Variants in SHANK2 observed in about 807,000 individuals in gnomAD.
SHANK2 encodes SH3 and multiple ankyrin repeat domains 2.
A neutral mutation model predicts 133.7 loss-of-function variants in SHANK2; 43 were observed. The observed-to-expected ratio is 0.32, with a 90% CI of 0.25 to 0.41. The LOEUF (loss-of-function observed/expected upper bound fraction) is 0.41, where lower values mean the gene tolerates loss of function less well. Among genes scored for constraint, SHANK2 ranks in the 10% least tolerant of loss-of-function variants. The pLI, the probability that SHANK2 is intolerant of heterozygous loss-of-function variation, is 1.00. For synonymous variants in SHANK2, 1,017 were observed against 952.8 expected, an observed-to-expected ratio of 1.07 and a Z score of -1.24; for missense variants, 1,994 against 2,235.8, an observed-to-expected ratio of 0.89 and a Z score of 2.18.
intron 14 of SHANK2, among the ~76,000 whole-genome samples, chr11:70,737,924 A>G (rs1287706157): frequency 6.6e-6 from 1 of 152,266 alleles, no homozygotes; most frequent in Non-Finnish European, 1.5e-5. Context: ...TGACAATGAC[A>G]AGTGTGAAGG....
chr11:70,806,653 G>A (rs972416956), intron 13 of SHANK2, among the ~76,000 whole-genome samples: 27 of 152,164 alleles, frequency 1.8e-4, no homozygotes, highest in African/African-American at 4.8e-4. Flanking sequence ...CCCCAAAGCC[G>A]ACCCATGCCA....
chr11:71,234,707 C>A (rs1275096933), intron 1 of SHANK2, among the ~76,000 whole-genome samples: 1 of 152,088 alleles, frequency 6.6e-6, no homozygotes, highest in Non-Finnish European at 1.5e-5. Context: ...CCCCACTGCC[C>A]GCATTCGAGC....
chr11:71,151,882 G>T (rs554184079), intron 2 of SHANK2, among the ~76,000 whole-genome samples: 1 of 152,270 alleles, frequency 6.6e-6, no homozygotes, highest in South Asian at 2.1e-4. Flanking sequence ...ACACACGCTG[G>T]GTGGGAGGCC....
chr11:70,912,707 A>T (rs1555079254), intron 10 of SHANK2, among the ~76,000 whole-genome samples: 1 of 152,190 alleles, frequency 6.6e-6, no homozygotes, highest in Non-Finnish European at 1.5e-5. Flanking sequence ...GAAACGTCAC[A>T]CTCAGAAGAT....
chr11:70,615,330 C>G (rs2060723938), intron 17 of SHANK2, among the ~76,000 whole-genome samples: 1 of 152,096 alleles, frequency 6.6e-6, no homozygotes, highest in Non-Finnish European at 1.5e-5. Flanking sequence ...CCCAGTTCTC[C>G]CCTCTCTTTT....
chr11:70,903,405 T>TAAAATAAAAG (rs1950051790), intron 10 of SHANK2, among the ~76,000 whole-genome samples: 1 of 138,074 alleles, frequency 7.2e-6, no homozygotes, highest in Non-Finnish European at 1.5e-5. Context: ...TAAAATAAAA[T>TAAAATAAAAG]AAAATAAAAT....
chr11:71,081,976 C>A (rs1249554568), intron 8 of SHANK2, among the ~76,000 whole-genome samples: 1 of 152,230 alleles, frequency 6.6e-6, no homozygotes, highest in African/African-American at 2.4e-5. Context: ...AGGTGCAGTA[C>A]CTGCCAGCAC....
intron 2 of SHANK2, among the ~76,000 whole-genome samples, chr11:71,199,096 G>T (rs1953970167): frequency 6.6e-6 from 1 of 152,184 alleles, no homozygotes. Context: ...CCCCAAGAAG[G>T]TCCAGAGACC....
Position 70,568,653 on chromosome 11 carries a change from C to CCCG in SHANK2, c.2062-65723_2062-65722insCGG, listed in dbSNP as rs782418370. On this transcript the variant is annotated intron_variant, in intron 17 of 25. Coordinates refer to ENST00000601538, the MANE Select transcript of SHANK2 (RefSeq NM_012309.5). ...TGTGGGCAGCGGATTCCTGCCCCCC[C>CCCG]CGCCCACTTCCTCCCGGCCGGGAGC... 6.1e-5 allele frequency among the ~76,000 whole-genome samples: 8 copies of CCCG among 130,124 alleles called. 1 individual carries two copies. The South Asian group carries it at 1.5e-3, about 24-fold the overall frequency. 85.4% of individuals were successfully genotyped at this position (130,124 alleles called of 152,430 possible). A position where few individuals can be genotyped will look rare whatever the true frequency, so the allele number is the denominator to read the frequency against.
intron 14 of SHANK2, among the ~76,000 whole-genome samples, chr11:70,749,005 AGC>A (rs1946702341): frequency 8.2e-6 from 1 of 121,308 alleles, no homozygotes; most frequent in Admixed American, 7.9e-5. Context: ...ACACACACAC[AGC>A]GACCGACCTG....
At chr11:70,553,912 T>C (rs1554978854) in intron 17 of SHANK2, among the ~76,000 whole-genome samples, 1 of 152,220 alleles carries the variant, frequency 6.6e-6, no homozygotes, top group Non-Finnish European at 1.5e-5. Context: ...AATGGGTGAT[T>C]CAGGGGTCCC....
intron 2 of SHANK2, among the ~76,000 whole-genome samples, chr11:71,168,313 C>G (rs1163315302): frequency 7.3e-6 from 1 of 136,772 alleles, no homozygotes; most frequent in Non-Finnish European, 1.6e-5. Flanking sequence ...GGATGGCGGC[C>G]GGGCAGAGAC....
At chr11:70,768,951 C>T (rs1009302534) in intron 14 of SHANK2, among the ~76,000 whole-genome samples, 2 of 152,122 alleles carry the variant, frequency 1.3e-5, no homozygotes, top group African/African-American at 2.4e-5. Flanking sequence ...CAGCTTTCCC[C>T]AAAGGTGTCT....
In SHANK2 at chr11:70,828,253, G is replaced by T. The variant is rs546248698; in HGVS notation, c.1175-7571C>A. 1.2e-4 allele frequency among the ~76,000 whole-genome samples: 18 copies of T among 152,288 alleles called. No homozygotes were observed. In the South Asian group the frequency reaches 3.7e-3, roughly 32 times the overall value. On this transcript the variant is annotated intron_variant, in intron 11 of 25. Transcript: ENST00000601538. ...GCTATGATTGCACCACTGCACATCA[G>T]CCTGGGGATAGAGCAAGACTGTCTC... is the stretch of plus-strand genomic sequence containing the variant.
chr11:70,749,112 C>G (rs1946705212), intron 14 of SHANK2, among the ~76,000 whole-genome samples: 1 of 152,238 alleles, frequency 6.6e-6, no homozygotes, highest in Non-Finnish European at 1.5e-5. Flanking sequence ...TGCAGACACA[C>G]AACCATGTGG....
intron 2 of SHANK2, among the ~76,000 whole-genome samples, chr11:71,221,204 C>CA (rs782213118): frequency 0.032 from 2,607 of 81,960 alleles, 37 homozygotes; most frequent in Non-Finnish European, 0.041. Flanking sequence ...GACTCCATCT[C>CA]AAAAAAAAAA....
chr11:70,860,435 T>A (rs1384196538), intron 11 of SHANK2, among the ~76,000 whole-genome samples: 2 of 152,320 alleles, frequency 1.3e-5, no homozygotes, highest in East Asian at 3.9e-4. Context: ...GTGGAAATTG[T>A]CTGTGGAATG....
chr11:70,824,431 C>A (rs1948606500), intron 11 of SHANK2, among the ~76,000 whole-genome samples: 1 of 152,122 alleles, frequency 6.6e-6, no homozygotes, highest in African/African-American at 2.4e-5. Flanking sequence ...AGCCGGGGCT[C>A]CTCAGCCAGC....
At position 70,495,958 on chromosome 11, in the gene SHANK2, C is replaced by T. The variant is rs191795968; in HGVS notation, c.2309-3493G>A. 240 of 154,764 alleles carry T rather than the reference C, an allele frequency of 1.6e-3. 2 individuals are homozygous for T. Among genetic ancestry groups the T allele is most frequent in the South Asian group, 0.013 (70 of 5,356 alleles). The allele number at this position is 154,764 out of a possible 1,614,324, so 9.6% of individuals were successfully genotyped here. ...CAGGAAGGCCCATCCGAGCCAGAAA[C>T]GCCTGGGCATCCCTCCAGGCCTGAC... On this transcript the variant is annotated intron_variant, in intron 21 of 25. Coordinates refer to ENST00000601538, the MANE Select transcript of SHANK2 (RefSeq NM_012309.5).
Sources: allele counts gnomAD v4.1 joint callset (sites outside exome capture counted in the v4.1 genomes callset), GRCh38; gene constraint gnomAD v4.1.1; transcripts MANE v1.5; gene names NCBI Gene and HGNC (gene_info 2026-07-23, HGNC 2026-07-21).